The following TMED3 variants were observed in gnomAD, a reference collection of about 807,000 sequenced individuals.
TMED3 encodes transmembrane p24 trafficking protein 3.
In TMED3, 9 loss-of-function variants were observed where a neutral mutation model predicts 15.0. That is an observed-to-expected ratio of 0.60 (90% CI 0.36 to 1.04). The LOEUF is 1.04. Ranked by LOEUF, TMED3 falls within the 50% of genes least tolerant of loss-of-function variation. The pLI, the probability that TMED3 is intolerant of heterozygous loss-of-function variation, is 0.01. For synonymous variants in TMED3, 117 were observed against 121.4 expected, an observed-to-expected ratio of 0.96 and a Z score of 0.24; for missense variants, 267 against 278.9, an observed-to-expected ratio of 0.96 and a Z score of 0.30.
chr15:79,406,982 A>C (rs1350535284), intron 2 of TMED3, among the ~76,000 whole-genome samples: 4 of 152,280 alleles, frequency 2.6e-5, no homozygotes, highest in African/African-American at 9.6e-5. Context: ...AGCTTCTTAA[A>C]AGTGCTAATG....
chr15:79,386,885 G>A (rs1299022956), intron 2 of TMED3, among the ~76,000 whole-genome samples: 1 of 147,496 alleles, frequency 6.8e-6, no homozygotes, highest in Non-Finnish European at 1.5e-5. Context: ...AATCTTTTTT[G>A]TTTATGGCTA....
At chr15:79,352,245 A>G (rs551121882) in intron 2 of TMED3, among the ~76,000 whole-genome samples, 1 of 152,248 alleles carries the variant, frequency 6.6e-6, no homozygotes, top group African/African-American at 2.4e-5. Flanking sequence ...TTTGCCACAC[A>G]ATTATTTGGC....
rs774200579 is a variant in TMED3 at position 79,321,947 on chromosome 15, G to T, written c.418-31G>T. On this transcript the variant is annotated intron_variant, in intron 2 of 2. Transcript: ENST00000299705. ...GGATCCCACATTTGTCTATGGGTTA[G>T]CAGTGTGACTGCTTTTCTCTTCCTG... The T allele has an allele frequency of 1.9e-6, 3 of 1,609,222 alleles. No homozygotes were observed. The Admixed American group carries it at 5.0e-5, about 27-fold the overall frequency.
intron 2 of TMED3, among the ~76,000 whole-genome samples, chr15:79,398,516 G>A (rs1388001673): frequency 6.6e-6 from 1 of 152,128 alleles, no homozygotes; most frequent in Non-Finnish European, 1.5e-5. Context: ...AGACCGTGGT[G>A]TAGATTTCAA....
chr15:79,317,360 C>T (rs1003465942), intron 2 of TMED3, among the ~76,000 whole-genome samples: 1 of 152,224 alleles, frequency 6.6e-6, no homozygotes, highest in Admixed American at 6.5e-5. Context: ...CCTTCCTCTC[C>T]AGTGACTCTG....
chr15:79,386,510 T>C (rs1448328297), intron 2 of TMED3, among the ~76,000 whole-genome samples: 1 of 152,158 alleles, frequency 6.6e-6, no homozygotes, highest in Non-Finnish European at 1.5e-5. Flanking sequence ...CTTTTCATTC[T>C]CTAAAAGGGG....
At chr15:79,376,360 T>C (rs2141247339) in intron 2 of TMED3, among the ~76,000 whole-genome samples, 1 of 152,358 alleles carries the variant, frequency 6.6e-6, no homozygotes, top group African/African-American at 2.4e-5. Context: ...ATAGATATTA[T>C]TGGTCATTTT....
chr15:79,386,349 CT>C (rs1191653874), intron 2 of TMED3, among the ~76,000 whole-genome samples: 1 of 152,168 alleles, frequency 6.6e-6, no homozygotes, highest in African/African-American at 2.4e-5. Context: ...TGAGGGGCCA[CT>C]TTTCAGAGCA....
At position 79,340,948 on chromosome 15, in the gene TMED3, C is replaced by A. The variant is rs560493854; in HGVS notation, c.417+26943C>A. Among the ~76,000 whole-genome samples, 6 of 152,264 alleles carry A rather than the reference C, an allele frequency of 3.9e-5. No homozygotes were observed. In the East Asian group the frequency reaches 1.2e-3, roughly 29 times the overall value. ...GTGATTCATGCCTGCAATCCCAGCA[C>A]TTTGGGAGGCCAAGGCAGGAGGATC... On this transcript the variant is annotated intron_variant, in intron 2 of 2. Transcript: ENST00000424155.
intron 2 of TMED3, among the ~76,000 whole-genome samples, chr15:79,342,461 T>TA (rs1263123224): frequency 6.6e-6 from 1 of 151,670 alleles, no homozygotes; most frequent in Non-Finnish European, 1.5e-5. Flanking sequence ...TCCAGGTAGA[T>TA]AAAAATTGTA....
rs771766829 is a variant in TMED3, at chr15:79,322,045, G to A, written c.485G>A (p.Arg162Gln). Residue 162 changes from arginine (R) to glutamine (Q), a missense_variant, in exon 3 of 3, where the codon CGG (arginine) becomes CAG (glutamine). Arg to Gln is a conservative substitution (Grantham distance 43). Around this residue, in one of 3 missense-constraint regions of TMED3, gnomAD observed 139 missense variants for 125.0 expected, o/e 1.11. Coordinates refer to ENST00000299705, the MANE Select transcript of TMED3 (RefSeq NM_007364.4). ...KTVIDSQTHY[R>Q]LREAQDRARA... ...GTGATTGACTCCCAGACGCATTACC[G>A]GCTGCGGGAGGCCCAGGACCGGGCC... is the stretch of plus-strand genomic sequence containing the variant. The A allele has an allele frequency of 7.4e-6, 12 of 1,614,056 alleles. No homozygotes were observed. Among genetic ancestry groups the A allele is most frequent in the Admixed American group, 6.7e-5 (4 of 60,008 alleles).
At chr15:79,342,533 C>T (rs1277481470) in intron 2 of TMED3, among the ~76,000 whole-genome samples, 1 of 151,950 alleles carries the variant, frequency 6.6e-6, no homozygotes, top group African/African-American at 2.4e-5. Context: ...TATTATTTAC[C>T]TTAAGGGAGT....
chr15:79,313,792 T>C lies in TMED3; in HGVS notation c.204T>C (p.Tyr68=), dbSNP rs367804713. 28 of 1,614,238 alleles carry C rather than the reference T, an allele frequency of 1.7e-5. No individual in the cohort carries two copies. Among genetic ancestry groups the C allele is most frequent in the South Asian group, 5.5e-5 (5 of 91,086 alleles). ...GAGGCCACTACGATGTTGACTGCTA[T>C]GTAGAGGACCCCCAGGGGAACACCA... ...ITGGHYDVDC[Y]VEDPQGNTIY... is the part of the protein sequence containing the mutation. Residue 68 remains tyrosine, a synonymous_variant, in exon 2 of 3, where the codon TAT becomes TAC. Transcript: ENST00000299705.
chr15:79,366,588 G>A (rs1893239930), intron 2 of TMED3, among the ~76,000 whole-genome samples: 1 of 152,214 alleles, frequency 6.6e-6, no homozygotes, highest in African/African-American at 2.4e-5. Flanking sequence ...AGGAACTAAA[G>A]ATTTTCCTTT....
At chr15:79,331,542 C>CAAAAAAAAAAAAAAAAAAAAAAGAAAA (rs71451761) in intron 2 of TMED3, among the ~76,000 whole-genome samples, 1 of 89,288 alleles carries the variant, frequency 1.1e-5, no homozygotes, top group Non-Finnish European at 2.1e-5. Context: ...GCAAAAGAAG[C>CAAAAAAAAAAAAAAAAAAAAAAGAAAA]AAAAAAAAAA....
At chr15:79,377,641 G>GTTTT (rs1893450552) in intron 2 of TMED3, among the ~76,000 whole-genome samples, 1 of 142,736 alleles carries the variant, frequency 7.0e-6, no homozygotes, top group African/African-American at 2.7e-5. Flanking sequence ...TGAACAAACC[G>GTTTT]TTCTTTTTTT....
intron 2 of TMED3, among the ~76,000 whole-genome samples, chr15:79,353,298 TTA>T (rs1567030594): frequency 7.2e-5 from 3 of 41,430 alleles, no homozygotes; most frequent in East Asian, 7.1e-4. Context: ...TATATGTATA[TTA>T]TATATATTAT....
At chr15:79,406,889 T>C (rs950820268) in intron 2 of TMED3, among the ~76,000 whole-genome samples, 3 of 152,234 alleles carry the variant, frequency 2.0e-5, no homozygotes, top group Admixed American at 1.3e-4. Flanking sequence ...GTGGGAATCC[T>C]GTCACATCAA....
Position 79,399,905 on chromosome 15 carries a change from C to G in TMED3, c.418-11495C>G, listed in dbSNP as rs114553728. Among the ~76,000 whole-genome samples the G allele has an allele frequency of 4.7e-3, 712 of 152,290 alleles. 8 individuals carry two copies. The highest frequency in any genetic ancestry group is 0.016 in the African/African-American group (676 of 41,554). On this transcript the variant is annotated intron_variant, in intron 2 of 2. Coordinates refer to the TMED3 transcript ENST00000424155. ...CACGGAGGCAGGGCCTCTTCCTCTC[C>G]GTGAGGTCCACTGACAGCCAATGAC...
Sources: allele counts gnomAD v4.1 joint callset (sites outside exome capture counted in the v4.1 genomes callset), GRCh38; gene constraint gnomAD v4.1.1; regional missense constraint gnomAD v4.1.1; transcripts MANE v1.5; gene names NCBI Gene and HGNC (gene_info 2026-07-23, HGNC 2026-07-21).